Variants in SATL1 observed in about 807,000 individuals in gnomAD.
SATL1 encodes the protein spermidine/spermine N1-acetyl transferase like 1, also known as spermidine/spermine N(1)-acetyltransferase-like protein 1.
Under a neutral mutation model 51.8 loss-of-function variants are expected in SATL1, and 47 were observed. The ratio of observed to expected loss-of-function variants is 0.91; its 90% CI spans 0.72 to 1.16. SATL1 has a LOEUF of 1.16. Ranked by LOEUF, SATL1 falls within the 50% of genes most tolerant of loss-of-function variation. The pLI, the probability that SATL1 is intolerant of heterozygous loss-of-function variation, is 0.00. For missense variants in SATL1, 520 were observed against 526.4 expected, an observed-to-expected ratio of 0.99 and a Z score of 0.12; for synonymous variants, 176 against 182.4, an observed-to-expected ratio of 0.97 and a Z score of 0.28.
intron 2 of SATL1, among the ~76,000 whole-genome samples, chrX:85,122,696 A>G: frequency 8.9e-6 from 1 of 111,804 alleles, no homozygotes; most frequent in East Asian, 2.8e-4. Context: ...GTACCTGTGC[A>G]GGTTTGTTAC....
intron 2 of SATL1, among the ~76,000 whole-genome samples, chrX:85,186,235 C>T (rs1453697681): frequency 9.4e-6 from 1 of 106,088 alleles, no homozygotes; most frequent in Non-Finnish European, 1.9e-5. Context: ...CTGTCCTCTC[C>T]ACTCTACCCT....
intron 2 of SATL1, among the ~76,000 whole-genome samples, chrX:85,205,130 C>T (rs1029835371): frequency 1.7e-4 from 19 of 111,769 alleles, no homozygotes; most frequent in African/African-American, 5.8e-4. Context: ...TTTCAAGAGA[C>T]CATTAAAGTA....
At chrX:85,237,243 C>T (rs1420588794) in intron 1 of SATL1, among the ~76,000 whole-genome samples, 1 of 110,863 alleles carries the variant, frequency 9.0e-6, no homozygotes, top group Non-Finnish European at 1.9e-5. Context: ...TAGCTAAAGC[C>T]ATCTTAAGCA....
chrX:85,151,586 C>T (rs1186959557), intron 2 of SATL1, among the ~76,000 whole-genome samples: 1 of 111,515 alleles, frequency 9.0e-6, no homozygotes. Context: ...GCTACAGTAA[C>T]CAAAACAGCA....
intron 2 of SATL1, among the ~76,000 whole-genome samples, chrX:85,144,577 T>A (rs1926185599): frequency 8.9e-6 from 1 of 112,096 alleles, no homozygotes; most frequent in Non-Finnish European, 1.9e-5. Flanking sequence ...CTGTGCATGT[T>A]TATAGGTCCT....
At chrX:85,212,547 A>G (rs1927950189) in intron 2 of SATL1, 1 of 112,103 alleles carries the variant, frequency 8.9e-6, no homozygotes, top group African/African-American at 3.2e-5. Context: ...ATCTAATGTA[A>G]CTTCTGAATG....
intron 1 of SATL1, among the ~76,000 whole-genome samples, chrX:85,242,667 A>C (rs920685452): frequency 6.2e-5 from 7 of 112,010 alleles, no homozygotes; most frequent in Non-Finnish European, 1.1e-4. Flanking sequence ...ATGCGCGCAC[A>C]CGAGCATGCT....
chrX:85,096,275 T>A (rs1413597366), intron 4 of SATL1, among the ~76,000 whole-genome samples: 1 of 110,604 alleles, frequency 9.0e-6, no homozygotes, highest in East Asian at 2.8e-4. Context: ...AAAAATGCAC[T>A]GTACTGGAGG....
At chrX:85,116,357 T>C (rs1047584062) in intron 2 of SATL1, 1 of 111,816 alleles carries the variant, frequency 8.9e-6, no homozygotes, top group East Asian at 2.9e-4. Flanking sequence ...AGCAGGCAAC[T>C]TGAGAGATCA....
intron 2 of SATL1, among the ~76,000 whole-genome samples, chrX:85,140,764 G>C (rs1265301988): frequency 9.0e-6 from 1 of 111,688 alleles, no homozygotes; most frequent in African/African-American, 3.3e-5. Flanking sequence ...GTACAATACA[G>C]AATATTTACG....
chrX:85,179,127 A>T, intron 2 of SATL1, among the ~76,000 whole-genome samples: 1 of 111,856 alleles, frequency 8.9e-6, no homozygotes, highest in Middle Eastern at 4.6e-3. Context: ...GATTTTTAGA[A>T]TTTTCATTTT....
At chrX:85,196,452 T>C (rs1210831218) in intron 2 of SATL1, among the ~76,000 whole-genome samples, 1 of 111,544 alleles carries the variant, frequency 9.0e-6, no homozygotes, top group African/African-American at 3.3e-5. Context: ...TTTTTTGCAG[T>C]ACACTGTGAT....
intron 2 of SATL1, chrX:85,209,706 C>G (rs1460890025): frequency 2.7e-5 from 3 of 110,577 alleles, no homozygotes; most frequent in African/African-American, 6.6e-5. Context: ...TTTATTGTGT[C>G]TATTTGATTC....
Position 85,102,198 on chromosome X carries a change from G to A in SATL1, c.1693+1666C>T, listed in dbSNP as rs769234720. On this transcript the variant is annotated intron_variant, in intron 4 of 7. Coordinates refer to ENST00000644105, the MANE Select transcript of SATL1 (RefSeq NM_001367857.2). ...ACTGCACCCATTAACTCGTCATTTAGCATTAGGCATATCTCCTAATGCTAT... is the reference window on the plus strand; with the variant it reads ...ACTGCACCCATTAACTCGTCATTTAACATTAGGCATATCTCCTAATGCTAT... 4.6e-5 allele frequency among the ~76,000 whole-genome samples: 5 copies of A among 108,960 alleles called. No individual in the cohort carries two copies. In the South Asian group the frequency reaches 2.0e-3, roughly 44 times the overall value. The allele number at this position is 108,960 out of a possible 115,157, so 94.6% of individuals were successfully genotyped here. A position where few individuals can be genotyped will look rare whatever the true frequency, so the allele number is the denominator to read the frequency against.
At chrX:85,192,961 C>T (rs190749785) in intron 2 of SATL1, among the ~76,000 whole-genome samples, 1 of 111,262 alleles carries the variant, frequency 9.0e-6, no homozygotes, top group East Asian at 2.8e-4. Context: ...TAACTTCACT[C>T]TACTCTACTC....
At chrX:85,186,620 T>C (rs1927319030) in intron 2 of SATL1, among the ~76,000 whole-genome samples, 1 of 111,539 alleles carries the variant, frequency 9.0e-6, no homozygotes, top group South Asian at 3.8e-4. Flanking sequence ...CAATACTAAA[T>C]TTCAATAGGA....
At chrX:85,118,012 G>A (rs1465562138) in intron 2 of SATL1, among the ~76,000 whole-genome samples, 1 of 106,737 alleles carries the variant, frequency 9.4e-6, no homozygotes, top group Admixed American at 1.0e-4. Context: ...TTTGTGAAAC[G>A]CAAGATGGAT....
intron 2 of SATL1, among the ~76,000 whole-genome samples, chrX:85,217,134 G>A (rs1484519667): frequency 1.8e-5 from 2 of 111,265 alleles, no homozygotes; most frequent in East Asian, 5.6e-4. Flanking sequence ...TATAGTGTAG[G>A]GAAACATACA....
chrX:85,213,300 T>C (rs1025505964), intron 2 of SATL1, among the ~76,000 whole-genome samples: 1 of 111,938 alleles, frequency 8.9e-6, no homozygotes, highest in Non-Finnish European at 1.9e-5. Flanking sequence ...AAATAGTACA[T>C]TGCTCAAGGT....
Sources: allele counts gnomAD v4.1 joint callset (sites outside exome capture counted in the v4.1 genomes callset), GRCh38; gene constraint gnomAD v4.1.1; transcripts MANE v1.5; gene names NCBI Gene and HGNC (gene_info 2026-07-23, HGNC 2026-07-21).